KCNAB1: variants seen among roughly 807,000 people sequenced by gnomAD.
KCNAB1 encodes potassium voltage-gated channel subfamily A regulatory beta subunit 1, also known as voltage-gated potassium channel subunit beta-1.
KCNAB1 carries 35 observed loss-of-function variants against 64.6 expected under a neutral mutation model. The observed-to-expected ratio is 0.54, with a 90% CI of 0.41 to 0.72. The LOEUF (loss-of-function observed/expected upper bound fraction) is 0.72, where lower values mean the gene tolerates loss of function less well. Among genes scored for constraint, KCNAB1 ranks in the 30% least tolerant of loss-of-function variants. KCNAB1 has a pLI of 0.00. For missense variants in KCNAB1, 401 were observed against 512.9 expected (o/e 0.78, Z 2.11); for synonymous variants, 177 against 183.8 (o/e 0.96, Z 0.30).
chr3:156,494,198 C>G (rs774667334), intron 8 of KCNAB1, among the ~76,000 whole-genome samples: 4 of 152,132 alleles, frequency 2.6e-5, no homozygotes, highest in Non-Finnish European at 4.4e-5. Context: ...AAAAAGAACT[C>G]TCTCTTCTTC....
intron 11 of KCNAB1, among the ~76,000 whole-genome samples, chr3:156,519,950 A>G (rs1226224827): frequency 6.6e-6 from 1 of 152,224 alleles, no homozygotes; most frequent in Admixed American, 6.5e-5. Context: ...GTTGTGCACC[A>G]TCTTGTCATG....
chr3:156,347,618 A>G (rs1266112320), intron 1 of KCNAB1, among the ~76,000 whole-genome samples: 1 of 152,194 alleles, frequency 6.6e-6, no homozygotes, highest in East Asian at 1.9e-4. Context: ...ATACATCCAA[A>G]CAGTACTTAA....
chr3:156,533,791 C>T (rs1337097311), intron 13 of KCNAB1, among the ~76,000 whole-genome samples: 1 of 152,040 alleles, frequency 6.6e-6, no homozygotes, highest in African/African-American at 2.4e-5. Context: ...GGATTTTTAT[C>T]ATGCTAATAC....
chr3:156,159,777 G>A lies in KCNAB1; in HGVS notation c.275+38891G>A, dbSNP rs989032023. Among the ~76,000 whole-genome samples the A allele has an allele frequency of 2.6e-5, 4 of 152,196 alleles. No homozygotes were observed. The East Asian group carries it at 7.7e-4, about 29-fold the overall frequency. The stretch of plus-strand genomic sequence containing the variant: ...GTCACATAGATGGTTTGCTACCCTA[G>A]TTAAGAGTTTAATCAAAGGCTTTTG... On this transcript the variant is annotated intron_variant, in intron 1 of 13. Coordinates refer to ENST00000490337, the MANE Select transcript of KCNAB1 (RefSeq NM_172160.3).
chr3:156,270,085 T>A (rs918195642), intron 1 of KCNAB1, among the ~76,000 whole-genome samples: 22 of 152,030 alleles, frequency 1.4e-4, no homozygotes, highest in Non-Finnish European at 2.9e-4. Context: ...CCAGCTAATT[T>A]TTTGTATTTT....
rs74544361 is a variant in KCNAB1 at position 156,425,968 on chromosome 3, C to T, written c.319+4309C>T. Among the ~76,000 whole-genome samples the T allele has an allele frequency of 6.1e-3, 930 of 152,132 alleles. 14 individuals carry two copies. The highest frequency in any genetic ancestry group is 0.021 in the African/African-American group (885 of 41,506). On this transcript the variant is annotated intron_variant, in intron 2 of 13. Coordinates refer to ENST00000490337, the MANE Select transcript of KCNAB1 (RefSeq NM_172160.3). Reference sequence around the variant, plus strand: ...TTAAGACAGGAAGCAATGCAAGCAACGGCGACTCCAGAGGGAGACTCCACC... The same window carrying T: ...TTAAGACAGGAAGCAATGCAAGCAATGGCGACTCCAGAGGGAGACTCCACC...
intron 1 of KCNAB1, among the ~76,000 whole-genome samples, chr3:156,417,793 C>T (rs970795764): frequency 6.6e-5 from 10 of 151,968 alleles, no homozygotes; most frequent in African/African-American, 2.2e-4. Flanking sequence ...TGCCATGGAA[C>T]AAATCATTGT....
intron 2 of KCNAB1, among the ~76,000 whole-genome samples, chr3:156,428,533 A>ACG (rs59772816): frequency 7.0e-6 from 1 of 143,050 alleles, no homozygotes; most frequent in East Asian, 2.0e-4. Flanking sequence ...ACACACACAC[A>ACG]CCCTATTGGT....
At chr3:156,281,398 T>C (rs1332163017) in intron 1 of KCNAB1, among the ~76,000 whole-genome samples, 1 of 150,914 alleles carries the variant, frequency 6.6e-6, no homozygotes, top group Non-Finnish European at 1.5e-5. Context: ...TGCATCAATG[T>C]TCATCAAGGA....
At position 156,255,512 on chromosome 3, in the gene KCNAB1, C is replaced by T. The variant is rs533007281; in HGVS notation, c.275+134626C>T. 9.9e-5 allele frequency among the ~76,000 whole-genome samples: 15 copies of T among 152,248 alleles called. No homozygotes were observed. In the East Asian group the frequency reaches 2.9e-3, roughly 29 times the overall value. ...GCATTAAGGTTTTTCCTGCTTTGAC[C>T]CGAGCCTCTCTCCTGCTCCATCTTC... On this transcript the variant is annotated intron_variant, in intron 1 of 13. Transcript: ENST00000490337.
At chr3:156,493,582 A>C (rs2108355000) in intron 8 of KCNAB1, among the ~76,000 whole-genome samples, 1 of 152,284 alleles carries the variant, frequency 6.6e-6, no homozygotes, top group Non-Finnish European at 1.5e-5. Flanking sequence ...GATTAACATT[A>C]ACACAATAAT....
intron 2 of KCNAB1, among the ~76,000 whole-genome samples, chr3:156,440,382 G>A (rs1403445): frequency 0.66 from 100,644 of 152,068 alleles, 33,620 homozygotes; most frequent in East Asian, 0.76. Flanking sequence ...AAGCATGGCT[G>A]GGAATACCAG....
intron 1 of KCNAB1, among the ~76,000 whole-genome samples, chr3:156,383,567 A>G (rs966486460): frequency 2.2e-4 from 34 of 152,134 alleles, no homozygotes; most frequent in Admixed American, 2.1e-3. Flanking sequence ...ACAGTTGGTC[A>G]CCCTACAGGC....
At chr3:156,371,104 A>T (rs1048923514) in intron 1 of KCNAB1, among the ~76,000 whole-genome samples, 1 of 152,228 alleles carries the variant, frequency 6.6e-6, no homozygotes, top group African/African-American at 2.4e-5. Flanking sequence ...CCAGCATGGA[A>T]CACACATTGA....
chr3:156,165,261 G>C (rs1374854534), intron 1 of KCNAB1, among the ~76,000 whole-genome samples: 1 of 111,482 alleles, frequency 9.0e-6, no homozygotes, highest in Non-Finnish European at 1.7e-5. Flanking sequence ...CTGGGCGACA[G>C]AGCGAGACTC....
chr3:156,142,113 G>A (rs990009740), intron 1 of KCNAB1, among the ~76,000 whole-genome samples: 2 of 152,088 alleles, frequency 1.3e-5, no homozygotes, highest in Non-Finnish European at 2.9e-5. Context: ...TGTTTTTATT[G>A]TTGAGTTTGG....
intron 1 of KCNAB1, among the ~76,000 whole-genome samples, chr3:156,142,634 A>G (rs549837815): frequency 1.3e-5 from 2 of 152,322 alleles, no homozygotes; most frequent in East Asian, 3.9e-4. Context: ...ATATTTGTCT[A>G]TCATTTGACA....
intron 1 of KCNAB1, among the ~76,000 whole-genome samples, chr3:156,159,909 A>G (rs1404843821): frequency 6.6e-6 from 1 of 152,282 alleles, no homozygotes; most frequent in Non-Finnish European, 1.5e-5. Context: ...AGTAAAAGAC[A>G]TAGTTCCTTC....
chr3:156,137,585 A>G (rs568516078), intron 1 of KCNAB1, among the ~76,000 whole-genome samples: 47 of 149,788 alleles, frequency 3.1e-4, no homozygotes, highest in African/African-American at 1.0e-3. Context: ...GTTTTGCTCT[A>G]TCACCCAGGC....
Sources: allele counts gnomAD v4.1 joint callset (sites outside exome capture counted in the v4.1 genomes callset), GRCh38; gene constraint gnomAD v4.1.1; transcripts MANE v1.5; gene names NCBI Gene and HGNC (gene_info 2026-07-23, HGNC 2026-07-21).